TRRAP: variants seen among roughly 807,000 people sequenced by gnomAD.
The protein encoded by TRRAP is transformation/transcription domain associated protein, also known as transformation/transcription domain-associated protein.
Under a neutral mutation model 438.8 loss-of-function variants are expected in TRRAP, and 41 were observed. The ratio of observed to expected loss-of-function variants is 0.09; its 90% confidence interval spans 0.07 to 0.12. The LOEUF (loss-of-function observed/expected upper bound fraction) is 0.12. Among genes scored for constraint, TRRAP ranks in the 10% least tolerant of loss-of-function variants. The pLI, the probability that TRRAP is intolerant of heterozygous loss-of-function variation, is 1.00. For missense variants in TRRAP, 3,122 were observed against 5,055.1 expected (o/e 0.62, Z 11.60); for synonymous variants, 1,994 against 1,962.9 (o/e 1.02, Z -0.42).
At position 98,962,401 on chromosome 7, in the gene TRRAP, C is replaced by T. The variant is rs1791942877; in HGVS notation, c.6803C>T (p.Thr2268Ile). The T allele has an allele frequency of 1.2e-6, 2 of 1,614,118 alleles. No homozygotes were observed. Among genetic ancestry groups the T allele is most frequent in the Non-Finnish European group, 1.7e-6 (2 of 1,180,050 alleles). ...GGGCTCACCAACTACGAGAAGGCCA[C>T]CAATGCCAATCCCTCCCAGCTCTTC... ...YEGLTNYEKATNANPSQLFGT... is the reference protein window; with the variant it reads ...YEGLTNYEKAINANPSQLFGT... The change falls in exon 47 of 73, where the codon ACC (threonine) becomes ATC (isoleucine). Residue 2268 changes from threonine (T) to isoleucine (I), a missense_variant. Coordinates refer to ENST00000456197, the MANE Select transcript of TRRAP (RefSeq NM_001375524.1).
intron 62 of TRRAP, among the ~76,000 whole-genome samples, chr7:98,987,098 A>T (rs1347302353): frequency 6.6e-6 from 1 of 152,192 alleles, no homozygotes; most frequent in African/African-American, 2.4e-5. Flanking sequence ...CAACCTGGAC[A>T]ATATAGTGGA....
intron 51 of TRRAP, among the ~76,000 whole-genome samples, chr7:98,969,323 C>G (rs1177450757): frequency 1.3e-5 from 2 of 152,218 alleles, no homozygotes; most frequent in African/African-American, 4.8e-5. Flanking sequence ...GCATCAGTCT[C>G]CAGTGTGCTG....
At chr7:98,971,731 G>A in intron 52 of TRRAP, 68 bp from the exon 53 acceptor site, 1 of 1,552,604 alleles carries the variant, frequency 6.4e-7, no homozygotes, top group Non-Finnish European at 8.7e-7. Flanking sequence ...AAGCCTACAG[G>A]AGGTGTGTTT....
At chr7:98,879,471 T>C (rs1795320668) in intron 1 of TRRAP, among the ~76,000 whole-genome samples, 1 of 149,534 alleles carries the variant, frequency 6.7e-6, no homozygotes, top group Admixed American at 6.6e-5. Flanking sequence ...GGGATGGGGA[T>C]GGGCAAGGAG....
At chr7:98,961,658 G>A (rs1161222954) in intron 46 of TRRAP, among the ~76,000 whole-genome samples, 184 bp downstream of exon 46, 1 of 152,158 alleles carries the variant, frequency 6.6e-6, no homozygotes, top group Non-Finnish European at 1.5e-5. Flanking sequence ...GGTGGCTCAC[G>A]CCTGTAATCC....
chr7:99,011,670 A>G lies in TRRAP; in HGVS notation c.11337+135A>G. The G allele has an allele frequency of 2.8e-6, 3 of 1,058,756 alleles. No individual in the cohort carries two copies. Among genetic ancestry groups the G allele is most frequent in the Non-Finnish European group, 4.0e-6 (3 of 749,254 alleles). The allele number at this position is 1,058,756 out of a possible 1,614,324, so 65.6% of individuals were successfully genotyped here. On this transcript the variant is annotated intron_variant, in intron 72 of 72. Coordinates refer to ENST00000456197, the MANE Select transcript of TRRAP (RefSeq NM_001375524.1). This position sits in a 1 kb window ranked among gnomAD's most constrained non-coding sequence, Gnocchi z 7.1. ...ACAGTGGCCAGCACCCCTGTGTGTTATGTCCTTTGCTGTGAGGGCAAGGGA... is the reference window on the plus strand; with the variant it reads ...ACAGTGGCCAGCACCCCTGTGTGTTGTGTCCTTTGCTGTGAGGGCAAGGGA...
intron 67 of TRRAP, chr7:98,999,164 C>G (rs1793804158): frequency 6.3e-7 from 1 of 1,581,404 alleles, no homozygotes; most frequent in Non-Finnish European, 8.6e-7. Context: ...ACCTGGCCAT[C>G]TCTGATCTGG....
At chr7:98,988,543 A>C (rs1793249982) in intron 62 of TRRAP, among the ~76,000 whole-genome samples, 1 of 152,198 alleles carries the variant, frequency 6.6e-6, no homozygotes, top group South Asian at 2.1e-4. Context: ...ATTTATATGA[A>C]ATGTACAGAA....
At chr7:98,961,911 A>T (rs899738854) in intron 46 of TRRAP, among the ~76,000 whole-genome samples, 10 of 151,964 alleles carry the variant, frequency 6.6e-5, no homozygotes, top group Admixed American at 4.6e-4. Context: ...CAAGAGCAAA[A>T]CTCCATCTCA....
At chr7:98,918,717 A>G (rs925899733) in intron 20 of TRRAP, among the ~76,000 whole-genome samples, 1 of 152,142 alleles carries the variant, frequency 6.6e-6, no homozygotes, top group Non-Finnish European at 1.5e-5. Flanking sequence ...AGAAGCAGAT[A>G]ATAAAGGAGG....
chr7:98,902,706 C>T (rs1796523989), intron 11 of TRRAP, among the ~76,000 whole-genome samples: 1 of 151,900 alleles, frequency 6.6e-6, no homozygotes. Context: ...GTGGTTAGAG[C>T]CTGTTCTGAG....
intron 65 of TRRAP, among the ~76,000 whole-genome samples, chr7:98,992,902 T>C (rs1793492725): frequency 1.3e-5 from 2 of 152,214 alleles, no homozygotes; most frequent in Admixed American, 1.3e-4. Flanking sequence ...GGAGTCAGTC[T>C]GCCTAGGTGG....
At chr7:98,993,353 G>A (rs746677138) in intron 65 of TRRAP, among the ~76,000 whole-genome samples, 185 bp from the exon 66 acceptor site, 3 of 152,220 alleles carry the variant, frequency 2.0e-5, no homozygotes, top group African/African-American at 7.2e-5. Context: ...CCCTCCCCGC[G>A]TCCCTCAGCG....
intron 27 of TRRAP, 53 bp from the exon 28 acceptor site, chr7:98,935,526 A>G: frequency 2.0e-6 from 3 of 1,516,308 alleles, no homozygotes; most frequent in East Asian, 2.3e-5. Flanking sequence ...TTGCAAGGTT[A>G]TTATGTCTTC....
intron 70 of TRRAP, among the ~76,000 whole-genome samples, chr7:99,008,894 C>T (rs1345302051): frequency 6.6e-6 from 1 of 152,198 alleles, no homozygotes; most frequent in Non-Finnish European, 1.5e-5. Context: ...GACAGCCACA[C>T]CTGATCTGAG....
At chr7:98,898,837 T>A (rs1306851133) in intron 8 of TRRAP, among the ~76,000 whole-genome samples, 1 of 152,206 alleles carries the variant, frequency 6.6e-6, no homozygotes, top group Admixed American at 6.5e-5. Context: ...ATGATTTGAA[T>A]CTCCAAGTTT....
chr7:98,911,774 C>CA (rs113146131), intron 17 of TRRAP, among the ~76,000 whole-genome samples: 16,809 of 91,250 alleles, frequency 0.18, 2,715 homozygotes, highest in African/African-American at 0.45. Context: ...CTCAAAATCT[C>CA]AAAAAAAAAA....
chr7:98,934,124 A>G (rs1184586998), intron 27 of TRRAP, among the ~76,000 whole-genome samples: 1 of 152,220 alleles, frequency 6.6e-6, no homozygotes, highest in African/African-American at 2.4e-5. Context: ...AGTCTGACAA[A>G]CAGGAATGAA....
Position 98,997,483 on chromosome 7 carries a change from C to CAAAAAAAAAAAAAA in TRRAP, c.10309+2651_10309+2664dup, listed in dbSNP as rs61132070. ...ATTATCACCCAAAACACTGCTGTTG[C>CAAAAAAAAAAAAAA]AAAAAAAAAAAAAAAAAAAAAAAAA... On this transcript the variant is annotated intron_variant, in intron 67 of 72. Transcript: ENST00000456197. Among the ~76,000 whole-genome samples the CAAAAAAAAAAAAAA allele has an allele frequency of 3.1e-4, 13 of 42,620 alleles. 1 individual carries two copies. The East Asian group carries it at 5.3e-3, about 17-fold the overall frequency. The allele number at this position is 42,620 out of a possible 152,430, so 28.0% of individuals were successfully genotyped here.
Sources: allele counts gnomAD v4.1 joint callset (sites outside exome capture counted in the v4.1 genomes callset), GRCh38; gene constraint gnomAD v4.1.1; non-coding constraint Gnocchi (gnomAD v3.1); transcripts MANE v1.5; gene names NCBI Gene and HGNC (gene_info 2026-07-23, HGNC 2026-07-21).